TBC1D22A: variants seen among roughly 807,000 people sequenced by gnomAD.
The protein encoded by TBC1D22A is putative GTPase activator.
Under a neutral mutation model 60.2 loss-of-function variants are expected in TBC1D22A, and 38 were observed. The ratio of observed to expected loss-of-function variants is 0.63; its 90% CI spans 0.49 to 0.83. The LOEUF is 0.83. Among genes scored for constraint, TBC1D22A ranks in the 40% least tolerant of loss-of-function variants. The pLI, the probability that TBC1D22A is intolerant of heterozygous loss-of-function variation, is 0.00. For missense variants in TBC1D22A, 628 were observed against 701.0 expected (o/e 0.90, Z 1.18); for synonymous variants, 302 against 281.7 (o/e 1.07, Z -0.72).
chr22:47,146,569 G>A (rs1601667594), intron 12 of TBC1D22A, among the ~76,000 whole-genome samples: 1 of 152,260 alleles, frequency 6.6e-6, no homozygotes, highest in Non-Finnish European at 1.5e-5. Context: ...AGCCGGCACC[G>A]ATGCCGCTCT....
At chr22:46,835,625 G>A (rs190312359) in intron 4 of TBC1D22A, among the ~76,000 whole-genome samples, 21 of 152,314 alleles carry the variant, frequency 1.4e-4, no homozygotes, top group Admixed American at 1.3e-3. Flanking sequence ...TACGCATTAT[G>A]TGAATTTCAG....
chr22:46,916,667 T>C (rs1242456399), intron 8 of TBC1D22A, among the ~76,000 whole-genome samples: 1 of 152,200 alleles, frequency 6.6e-6, no homozygotes, highest in Non-Finnish European at 1.5e-5. Flanking sequence ...TTTGTTTGAG[T>C]GGCACCCACC....
At chr22:46,801,002 T>G (rs1601919192) in intron 4 of TBC1D22A, among the ~76,000 whole-genome samples, 2 of 152,340 alleles carry the variant, frequency 1.3e-5, no homozygotes, top group South Asian at 4.1e-4. Flanking sequence ...GAACCAACTT[T>G]TGGAAATTAA....
chr22:47,048,129 T>G (rs897291491), intron 11 of TBC1D22A, among the ~76,000 whole-genome samples: 1 of 152,228 alleles, frequency 6.6e-6, no homozygotes, highest in African/African-American at 2.4e-5. Context: ...TTGCGGTTCC[T>G]GGGACTCAGC....
At chr22:46,885,492 C>T (rs551672355) in intron 5 of TBC1D22A, among the ~76,000 whole-genome samples, 2 of 152,270 alleles carry the variant, frequency 1.3e-5, no homozygotes, top group African/African-American at 4.8e-5. Context: ...AGTTCACCTG[C>T]GGGTATGGCA....
intron 8 of TBC1D22A, among the ~76,000 whole-genome samples, chr22:46,971,163 T>C (rs1376233227): frequency 6.6e-6 from 1 of 152,214 alleles, no homozygotes; most frequent in African/African-American, 2.4e-5. Context: ...AAATGGCCCA[T>C]TGTGAGAAAT....
At chr22:47,152,860 C>T (rs554019323) in intron 12 of TBC1D22A, among the ~76,000 whole-genome samples, 125 of 151,974 alleles carry the variant, frequency 8.2e-4, no homozygotes, top group African/African-American at 2.9e-3. Context: ...GGGTGGGTCA[C>T]GGGAAGCTTG....
At chr22:46,966,033 C>T (rs539306976) in intron 8 of TBC1D22A, among the ~76,000 whole-genome samples, 5 of 152,222 alleles carry the variant, frequency 3.3e-5, no homozygotes, top group Non-Finnish European at 7.3e-5. Flanking sequence ...GAGGGTACCA[C>T]TCTAACAAAC....
intron 11 of TBC1D22A, among the ~76,000 whole-genome samples, chr22:47,058,786 C>T (rs951691256): frequency 6.6e-6 from 1 of 152,042 alleles, no homozygotes; most frequent in Non-Finnish European, 1.5e-5. Flanking sequence ...CAGCTTCTGA[C>T]CCAGCCGTGT....
At chr22:46,985,267 G>GTGGAGGCC (rs2148183411) in intron 9 of TBC1D22A, among the ~76,000 whole-genome samples, 1 of 152,230 alleles carries the variant, frequency 6.6e-6, no homozygotes, top group East Asian at 1.9e-4. Flanking sequence ...GAGGCCTGGG[G>GTGGAGGCC]TGGGGGAATG....
rs544294784 is a variant in TBC1D22A at position 46,774,634 on chromosome 22, C to T, written c.62+11786C>T. ...CCTCCCTGAGTCTGCCTTCCGTAAA[C>T]GGCCTGCAGTGGGGAAGGTGGGCCT... On this transcript the variant is annotated intron_variant, in intron 1 of 12. Coordinates refer to ENST00000337137, the MANE Select transcript of TBC1D22A (RefSeq NM_014346.5). 1.9e-4 allele frequency among the ~76,000 whole-genome samples: 29 copies of T among 152,344 alleles called. No individual in the cohort carries two copies. The South Asian group carries it at 5.2e-3, about 27-fold the overall frequency.
chr22:47,122,786 C>T (rs572939854), intron 12 of TBC1D22A, among the ~76,000 whole-genome samples: 8 of 152,338 alleles, frequency 5.3e-5, no homozygotes, highest in East Asian at 1.9e-4. Context: ...CCTCCTCACC[C>T]GTCCCCTGGC....
At chr22:46,974,248 T>A in intron 8 of TBC1D22A, 42 bp from the exon 9 acceptor site, 1 of 1,537,226 alleles carries the variant, frequency 6.5e-7, no homozygotes, top group Admixed American at 1.9e-5. Context: ...AGGTCCCGTG[T>A]GGCTAAGTCT....
intron 11 of TBC1D22A, among the ~76,000 whole-genome samples, chr22:47,070,346 G>A (rs1426788957): frequency 4.6e-4 from 67 of 146,106 alleles, no homozygotes; most frequent in Non-Finnish European, 6.6e-4. Flanking sequence ...TGGTTGGAGC[G>A]GGGCTGACCT....
chr22:46,830,173 C>T (rs140307593), intron 4 of TBC1D22A, among the ~76,000 whole-genome samples: 403 of 152,250 alleles, frequency 2.6e-3, no homozygotes, highest in African/African-American at 9.0e-3. Context: ...GCACCCAAGG[C>T]GGGAATGCAT....
At chr22:46,915,233 C>T in intron 8 of TBC1D22A, 1 of 359,694 alleles carries the variant, frequency 2.8e-6, no homozygotes, top group Non-Finnish European at 5.5e-6. Context: ...TGGGGAAGCT[C>T]ATAGACCAGG....
intron 4 of TBC1D22A, among the ~76,000 whole-genome samples, chr22:46,825,956 T>C (rs56826917): frequency 0.021 from 3,200 of 150,910 alleles, 82 homozygotes; most frequent in African/African-American, 0.06. Context: ...CATCTCGGCT[T>C]ACTGCAAGCT....
intron 9 of TBC1D22A, among the ~76,000 whole-genome samples, chr22:46,996,393 A>G (rs2075123004): frequency 6.6e-6 from 1 of 152,232 alleles, no homozygotes; most frequent in Non-Finnish European, 1.5e-5. Flanking sequence ...AAGAGTTGGA[A>G]GCGTAGGCCA....
intron 9 of TBC1D22A, among the ~76,000 whole-genome samples, chr22:46,985,482 A>G (rs190774538): frequency 6.6e-6 from 1 of 152,380 alleles, no homozygotes; most frequent in Non-Finnish European, 1.5e-5. Context: ...CAGAAGGTTC[A>G]TTAAGAATGA....
Sources: allele counts gnomAD v4.1 joint callset (sites outside exome capture counted in the v4.1 genomes callset), GRCh38; gene constraint gnomAD v4.1.1; transcripts MANE v1.5; gene names NCBI Gene and HGNC (gene_info 2026-07-23, HGNC 2026-07-21).